The following DLC1 variants were observed in gnomAD, a reference collection of about 807,000 sequenced individuals.
The protein encoded by DLC1 is DLC1 Rho GTPase activating protein, also known as rho GTPase-activating protein 7.
DLC1 carries 54 observed loss-of-function variants against 140.3 expected under a neutral mutation model. The observed-to-expected ratio is 0.38, with a 90% CI of 0.31 to 0.48. DLC1 has a LOEUF of 0.48. Among genes scored for constraint, DLC1 ranks in the 20% least tolerant of loss-of-function variants. The pLI, the probability that DLC1 is intolerant of heterozygous loss-of-function variation, is 0.96. For missense variants in DLC1, 2,536 were observed against 1,907.0 expected, an observed-to-expected ratio of 1.33 and a Z score of -6.14; for synonymous variants, 986 against 728.1, an observed-to-expected ratio of 1.35 and a Z score of -5.70.
At chr8:13,088,420 T>G in intron 16 of DLC1, 67 bp downstream of exon 16, 46 of 1,518,854 alleles carry the variant, frequency 3.0e-5, no homozygotes, top group African/African-American at 4.1e-5. Context: ...GTAAGATCAG[T>G]GACATATAGG....
intron 3 of DLC1, 22 bp downstream of exon 3, chr8:13,401,448 A>G (rs1837291875): frequency 6.2e-7 from 1 of 1,610,872 alleles, no homozygotes; most frequent in Non-Finnish European, 8.5e-7. Context: ...ATGGGAAAAG[A>G]AGTAGAAAGT....
chr8:13,165,948 C>T (rs571899287), intron 5 of DLC1, among the ~76,000 whole-genome samples: 67 of 152,230 alleles, frequency 4.4e-4, no homozygotes, highest in African/African-American at 1.6e-3. Context: ...TGATATGATT[C>T]CTCCTAGGGG....
intron 5 of DLC1, among the ~76,000 whole-genome samples, chr8:13,263,909 C>T (rs930571284): frequency 6.6e-5 from 10 of 151,708 alleles, no homozygotes; most frequent in African/African-American, 1.9e-4. Context: ...TACCCATGTG[C>T]GCACAGAGAC....
At chr8:13,108,326 G>A (rs752334969) in intron 7 of DLC1, among the ~76,000 whole-genome samples, 2 of 152,082 alleles carry the variant, frequency 1.3e-5, no homozygotes, top group Non-Finnish European at 2.9e-5. Flanking sequence ...TTTTTAAAGC[G>A]CTCTGACATC....
In DLC1 at chr8:13,099,565, C is replaced by T. The variant is rs761051677; in HGVS notation, c.2772G>A (p.Ser924=). 4 of 1,614,036 alleles carry T rather than the reference C, an allele frequency of 2.5e-6. No homozygotes were observed. The highest frequency in any genetic ancestry group is 2.2e-5 in the East Asian group (1 of 44,884). Residue 924 remains serine, a synonymous_variant, in exon 9 of 18, where the codon TCG becomes TCA. Coordinates refer to ENST00000276297, the MANE Select transcript of DLC1 (RefSeq NM_182643.3). Reference sequence around the variant, plus strand: ...AATCTCCCTCATCAGAAAACTTCTCCGACCACTGATTGACTATCCGCTGCA... The same window carrying T: ...AATCTCCCTCATCAGAAAACTTCTCTGACCACTGATTGACTATCCGCTGCA... ...KGMQRIVNQW[S]EKFSDEGDSD... is the part of the protein sequence containing the mutation.
chr8:13,598,890 C>T (rs550059338), intron 1 of DLC1, among the ~76,000 whole-genome samples: 15 of 151,356 alleles, frequency 9.9e-5, no homozygotes, highest in African/African-American at 2.9e-4. Context: ...GTTAAAATGT[C>T]AGAACTAATA....
chr8:13,261,969 C>T (rs777184267), intron 5 of DLC1, among the ~76,000 whole-genome samples: 1 of 152,054 alleles, frequency 6.6e-6, no homozygotes, highest in Admixed American at 6.6e-5. Context: ...AGGTGTTTAG[C>T]TTAGATATGA....
chr8:13,394,605 C>G (rs1298630399), intron 3 of DLC1, among the ~76,000 whole-genome samples: 1 of 152,084 alleles, frequency 6.6e-6, no homozygotes, highest in Non-Finnish European at 1.5e-5. Context: ...TCACTCTAGG[C>G]TTTTAATCTG....
chr8:13,449,040 G>A (rs1798925065), intron 2 of DLC1, among the ~76,000 whole-genome samples: 1 of 151,826 alleles, frequency 6.6e-6, no homozygotes. Context: ...ATGGATTACT[G>A]AAAAAAACAA....
chr8:13,327,905 T>C (rs879821340), intron 4 of DLC1, among the ~76,000 whole-genome samples: 2 of 152,198 alleles, frequency 1.3e-5, no homozygotes, highest in African/African-American at 2.4e-5. Context: ...GGAACTAACA[T>C]TTCATTTGAC....
intron 4 of DLC1, among the ~76,000 whole-genome samples, chr8:13,344,179 C>A (rs2463805): frequency 0.25 from 38,592 of 152,162 alleles, 5,064 homozygotes; most frequent in African/African-American, 0.28. Flanking sequence ...GATGAATTAG[C>A]TATAGTTCCT....
rs1227890677 is a variant in DLC1, at chr8:13,510,172, T to C, written c.-126+4430A>G. Among the ~76,000 whole-genome samples, 4 of 1,342 alleles carry C rather than the reference T, an allele frequency of 3.0e-3. No individual in the cohort carries two copies. The Non-Finnish European group carries it at 0.088, about 30-fold the overall frequency. The allele number at this position is 1,342 out of a possible 152,430, so 0.9% of individuals were successfully genotyped here. A position where few individuals can be genotyped will look rare whatever the true frequency, so the allele number is the denominator to read the frequency against. ...AGTGAAACACAATTATTCTTTATTC[T>C]TTTTTTTTTTTTTTTTCCTGAGATG... is the stretch of plus-strand genomic sequence containing the variant. On this transcript the variant is annotated intron_variant, in intron 1 of 17. Transcript: ENST00000276297.
chr8:13,085,285 T>C lies in DLC1; in HGVS notation c.*526A>G, dbSNP rs1238774153. ...CATCAATCTCCTTCTTGGAGGTGTC[T>C]CAGTGTGCCAGACACTGAATCCACC... On this transcript the variant is annotated 3_prime_UTR_variant, in exon 18 of 18. Transcript: ENST00000276297. 2 of 152,766 alleles carry C rather than the reference T, an allele frequency of 1.3e-5. No individual in the cohort carries two copies. The highest frequency in any genetic ancestry group is 4.8e-5 in the African/African-American group (2 of 41,452). The allele number at this position is 152,766 out of a possible 1,614,324, so 9.5% of individuals were successfully genotyped here. A position where few individuals can be genotyped will look rare whatever the true frequency, so the allele number is the denominator to read the frequency against.
intron 5 of DLC1, among the ~76,000 whole-genome samples, chr8:13,152,231 T>C (rs1823874692): frequency 6.6e-6 from 1 of 152,178 alleles, no homozygotes; most frequent in South Asian, 2.1e-4. Flanking sequence ...CCGTAAGAAG[T>C]GTTCTGAAAT....
At chr8:13,572,658 T>C (rs1216314097) in intron 1 of DLC1, among the ~76,000 whole-genome samples, 3 of 152,192 alleles carry the variant, frequency 2.0e-5, no homozygotes, top group Non-Finnish European at 4.4e-5. Flanking sequence ...GTTAGTCTTT[T>C]GTTTATGGTG....
At chr8:13,294,129 C>G (rs557501875) in intron 5 of DLC1, among the ~76,000 whole-genome samples, 1 of 152,108 alleles carries the variant, frequency 6.6e-6, no homozygotes, top group African/African-American at 2.4e-5. Context: ...CTCCGCAAAC[C>G]ACTGACCACC....
chr8:13,250,459 A>G (rs746637319), intron 5 of DLC1, among the ~76,000 whole-genome samples: 5 of 152,214 alleles, frequency 3.3e-5, no homozygotes, highest in Non-Finnish European at 7.3e-5. Context: ...CCTTAAAGGC[A>G]TAGGATTAGA....
intron 5 of DLC1, among the ~76,000 whole-genome samples, chr8:13,277,760 C>T (rs925355889): frequency 1.3e-5 from 2 of 152,080 alleles, no homozygotes; most frequent in East Asian, 1.9e-4. Context: ...TTAATATTGG[C>T]ATAAGACATC....
At chr8:13,342,644 G>A (rs990708064) in intron 4 of DLC1, 6 of 152,168 alleles carry the variant, frequency 3.9e-5, no homozygotes, top group African/African-American at 1.4e-4. Flanking sequence ...TGGGACTAAA[G>A]ACTGCAAGAT....
Sources: allele counts gnomAD v4.1 joint callset (sites outside exome capture counted in the v4.1 genomes callset), GRCh38; gene constraint gnomAD v4.1.1; transcripts MANE v1.5; gene names NCBI Gene and HGNC (gene_info 2026-07-23, HGNC 2026-07-21).